Variants in ZFYVE9 observed in about 807,000 individuals in gnomAD.
The protein encoded by ZFYVE9 is zinc finger FYVE domain-containing protein 9.
ZFYVE9 carries 43 observed loss-of-function variants against 126.7 expected under a neutral mutation model. The ratio of observed to expected loss-of-function variants is 0.34; its 90% CI spans 0.27 to 0.44. The LOEUF is 0.44. Among genes scored for constraint, ZFYVE9 ranks in the 20% least tolerant of loss-of-function variants. The probability of loss-of-function intolerance (pLI) is 1.00; values close to 1 mark genes in which losing one functional copy is unlikely to be tolerated. For missense variants in ZFYVE9, 1,476 were observed against 1,697.0 expected (o/e 0.87, Z 2.29); for synonymous variants, 521 against 597.4 (o/e 0.87, Z 1.87).
chr1:52,326,428 C>G (rs916637443), intron 13 of ZFYVE9, among the ~76,000 whole-genome samples: 1 of 152,096 alleles, frequency 6.6e-6, no homozygotes. Context: ...TTATCTAACT[C>G]TCATAACTCT....
intron 2 of ZFYVE9, among the ~76,000 whole-genome samples, chr1:52,221,195 C>T (rs1469030878): frequency 6.6e-6 from 1 of 152,182 alleles, no homozygotes; most frequent in African/African-American, 2.4e-5. Flanking sequence ...GGCAGTCTTC[C>T]TGACTCTACC....
intron 11 of ZFYVE9, among the ~76,000 whole-genome samples, chr1:52,294,449 A>G (rs888080973): frequency 3.9e-5 from 6 of 152,240 alleles, no homozygotes; most frequent in African/African-American, 1.2e-4. Flanking sequence ...AGTCAACTTC[A>G]TTCTTCCACC....
intron 12 of ZFYVE9, among the ~76,000 whole-genome samples, chr1:52,296,641 G>A (rs932638211): frequency 2.6e-5 from 4 of 151,958 alleles, no homozygotes; most frequent in Admixed American, 6.6e-5. Flanking sequence ...TATTTGGACC[G>A]TTTATGAAGC....
chr1:52,278,362 C>T lies in ZFYVE9; in HGVS notation c.2747-130C>T. ...ACTGAGCCAGCAGATACAAACCATGCTCTGTATGCACCTATTGATAAATCA... is the reference window on the plus strand; with the variant it reads ...ACTGAGCCAGCAGATACAAACCATGTTCTGTATGCACCTATTGATAAATCA... On this transcript the variant is annotated intron_variant, in intron 8 of 18. Coordinates refer to ENST00000287727, the MANE Select transcript of ZFYVE9 (RefSeq NM_004799.4). 3.4e-6 allele frequency: 4 copies of T among 1,178,802 alleles called. No individual in the cohort carries two copies. The South Asian group carries it at 4.0e-5, about 12-fold the overall frequency. 73.0% of individuals were successfully genotyped at this position (1,178,802 alleles called of 1,614,324 possible).
intron 10 of ZFYVE9, among the ~76,000 whole-genome samples, chr1:52,289,484 TA>T (rs1006560857): frequency 3.3e-5 from 5 of 152,220 alleles, no homozygotes; most frequent in African/African-American, 1.2e-4. Context: ...CAAGATTTGG[TA>T]TCTATTTTGG....
At chr1:52,154,761 AC>A (rs1188739520) in intron 1 of ZFYVE9, among the ~76,000 whole-genome samples, 1 of 151,810 alleles carries the variant, frequency 6.6e-6, no homozygotes, top group African/African-American at 2.4e-5. Flanking sequence ...CAGGTGCACG[AC>A]TCAAAGCTCT....
intron 4 of ZFYVE9, among the ~76,000 whole-genome samples, chr1:52,253,010 T>C (rs1487616261): frequency 2.6e-5 from 4 of 152,118 alleles, no homozygotes; most frequent in Non-Finnish European, 5.9e-5. Context: ...GCCCAGGAAT[T>C]CTAGACCAGC....
intron 1 of ZFYVE9, among the ~76,000 whole-genome samples, chr1:52,151,870 A>G (rs1644359842): frequency 3.3e-5 from 5 of 152,168 alleles, no homozygotes; most frequent in Admixed American, 2.6e-4. Context: ...TTCTTTAGTC[A>G]AATAAGTTTG....
At chr1:52,243,878 G>C (rs898368032) in intron 4 of ZFYVE9, among the ~76,000 whole-genome samples, 1 of 152,124 alleles carries the variant, frequency 6.6e-6, no homozygotes, top group African/African-American at 2.4e-5. Context: ...CAAGGGAAGA[G>C]AATAGACTCA....
chr1:52,308,307 A>G (rs1569726313), intron 13 of ZFYVE9, among the ~76,000 whole-genome samples: 1 of 152,064 alleles, frequency 6.6e-6, no homozygotes, highest in East Asian at 1.9e-4. Context: ...CAGCCTCCTA[A>G]GTAGCTGGGA....
chr1:52,316,434 G>A (rs1285462102), intron 13 of ZFYVE9, among the ~76,000 whole-genome samples: 3 of 148,538 alleles, frequency 2.0e-5, no homozygotes, highest in Admixed American at 1.4e-4. Context: ...GCACTGAGCC[G>A]AGATCACGCC....
chr1:52,182,194 C>T (rs1469689593), intron 1 of ZFYVE9, among the ~76,000 whole-genome samples: 3 of 152,184 alleles, frequency 2.0e-5, no homozygotes, highest in Middle Eastern at 3.4e-3. Flanking sequence ...GCCCGGCCGC[C>T]CCTACTGGGA....
intron 1 of ZFYVE9, among the ~76,000 whole-genome samples, chr1:52,166,107 T>C (rs1027651342): frequency 1.3e-5 from 2 of 152,140 alleles, no homozygotes; most frequent in African/African-American, 4.8e-5. Context: ...TTACTCGAGT[T>C]GAGATTTAAC....
chr1:52,175,239 T>C lies in ZFYVE9; in HGVS notation c.-143+32836T>C, dbSNP rs867651245. 8.0e-5 allele frequency among the ~76,000 whole-genome samples: 12 copies of C among 150,282 alleles called. No homozygotes were observed. The East Asian group carries it at 1.6e-3, about 20-fold the overall frequency. On this transcript the variant is annotated intron_variant, in intron 1 of 18. Transcript: ENST00000287727. ...TCTCAGCATTTGCTTGTCTGTAAAG[T>C]ATTTTATTTCTCCTTCACTTATGAA...
At chr1:52,258,047 G>A (rs1173402301) in intron 4 of ZFYVE9, among the ~76,000 whole-genome samples, 1 of 152,148 alleles carries the variant, frequency 6.6e-6, no homozygotes. Flanking sequence ...ATTTATTTAT[G>A]CAATAACTTT....
intron 13 of ZFYVE9, among the ~76,000 whole-genome samples, chr1:52,318,027 G>A (rs966573867): frequency 2.0e-5 from 3 of 151,854 alleles, no homozygotes; most frequent in African/African-American, 7.3e-5. Context: ...GAAAATAGAA[G>A]AGAAGGAATC....
chr1:52,180,083 A>G, intron 1 of ZFYVE9: 1 of 876,354 alleles, frequency 1.1e-6, no homozygotes, highest in Non-Finnish European at 2.0e-6. Flanking sequence ...CTGAGTGGAA[A>G]GCAACTAAAT....
intron 3 of ZFYVE9, among the ~76,000 whole-genome samples, chr1:52,234,984 TTG>T (rs1645260562): frequency 6.6e-6 from 1 of 152,234 alleles, no homozygotes; most frequent in Non-Finnish European, 1.5e-5. Flanking sequence ...TTCATTACAT[TTG>T]TCTCTTTGTG....
At chr1:52,307,005 GC>G (rs1646091372) in intron 13 of ZFYVE9, among the ~76,000 whole-genome samples, 1 of 152,202 alleles carries the variant, frequency 6.6e-6, no homozygotes, top group South Asian at 2.1e-4. Context: ...GCCGGAACAA[GC>G]CCAGCAGGCC....
Sources: allele counts gnomAD v4.1 joint callset (sites outside exome capture counted in the v4.1 genomes callset), GRCh38; gene constraint gnomAD v4.1.1; transcripts MANE v1.5; gene names NCBI Gene and HGNC (gene_info 2026-07-23, HGNC 2026-07-21).